The following COQ8A variants were observed in gnomAD, a reference collection of about 807,000 sequenced individuals.
The protein encoded by COQ8A is coenzyme Q8A.
Under a neutral mutation model 65.0 loss-of-function variants are expected in COQ8A, and 51 were observed. The observed-to-expected ratio is 0.78, with a 90% CI of 0.63 to 0.99. The LOEUF (loss-of-function observed/expected upper bound fraction) is 0.99. Among genes scored for constraint, COQ8A ranks in the 50% least tolerant of loss-of-function variants. The pLI is 0.00. For missense variants in COQ8A, 940 were observed against 875.0 expected (o/e 1.07, Z -0.94); for synonymous variants, 371 against 353.2 (o/e 1.05, Z -0.57).
intron 5 of COQ8A, among the ~76,000 whole-genome samples, chr1:226,978,547 C>G (rs1389637245): frequency 1.2e-5 from 1 of 84,416 alleles, no homozygotes; most frequent in African/African-American, 3.0e-5. Flanking sequence ...TCCTTACCCT[C>G]CACACACCCC....
At chr1:226,985,608 G>A (rs1407459167) in intron 14 of COQ8A, among the ~76,000 whole-genome samples, 4 of 152,192 alleles carry the variant, frequency 2.6e-5, no homozygotes. Flanking sequence ...TTGGGGTTGG[G>A]CCTCGATTGA....
Position 226,972,116 on chromosome 1 carries a change from C to T in COQ8A, c.656-5333C>T, listed in dbSNP as rs977361496. ...TACCTATACATTGAGAAATGGACAC[C>T]TACAGAAGTGAGACTTTAATGGATA... is the stretch of plus-strand genomic sequence containing the variant. On this transcript the variant is annotated intron_variant, in intron 4 of 14. Transcript: ENST00000366777. This position sits in a 1 kb window ranked among gnomAD's most constrained non-coding sequence, Gnocchi z 4.3. 1.3e-5 allele frequency among the ~76,000 whole-genome samples: 2 copies of T among 152,064 alleles called. No individual in the cohort carries two copies. The highest frequency in any genetic ancestry group is 4.8e-5 in the African/African-American group (2 of 41,402).
intron 4 of COQ8A, among the ~76,000 whole-genome samples, chr1:226,968,282 C>T (rs10916072): frequency 0.25 from 37,807 of 151,962 alleles, 4,774 homozygotes; most frequent in African/African-American, 0.31. Context: ...TTGCAGTGAG[C>T]TGAGATTGCG....
At chr1:226,950,623 C>G (rs952420758) in intron 1 of COQ8A, among the ~76,000 whole-genome samples, 1 of 152,228 alleles carries the variant, frequency 6.6e-6, no homozygotes, top group African/African-American at 2.4e-5. Context: ...AGCCCAGAGC[C>G]TGGCATATAC....
At position 226,977,747 on chromosome 1, in the gene COQ8A, T is replaced by C. The variant is rs541943529; in HGVS notation, c.730+224T>C. Among the ~76,000 whole-genome samples, 3 of 152,160 alleles carry C rather than the reference T, an allele frequency of 2.0e-5. No homozygotes were observed. The South Asian group carries it at 6.2e-4, about 32-fold the overall frequency. On this transcript the variant is annotated intron_variant, in intron 5 of 14. Coordinates refer to ENST00000366777, the MANE Select transcript of COQ8A (RefSeq NM_020247.5). Reference sequence around the variant, plus strand: ...GGCCCTTCCTCCTCCCAGCCCAAAGTGGCCACCCAGCCCCTTCTTTTTGGC... The same window carrying C: ...GGCCCTTCCTCCTCCCAGCCCAAAGCGGCCACCCAGCCCCTTCTTTTTGGC...
At chr1:226,941,644 G>A (rs947829483) in intron 1 of COQ8A, among the ~76,000 whole-genome samples, 3 of 151,998 alleles carry the variant, frequency 2.0e-5, no homozygotes, top group African/African-American at 7.2e-5. Context: ...ATGTGGTGGC[G>A]GGCGCCTATA....
intron 1 of COQ8A, among the ~76,000 whole-genome samples, chr1:226,953,975 T>A (rs1016451654): frequency 4.6e-5 from 7 of 152,132 alleles, no homozygotes; most frequent in African/African-American, 1.7e-4. Context: ...AAAGGAAAAA[T>A]TTCAAGGACG....
chr1:226,964,326 A>C (rs945065168), intron 2 of COQ8A, among the ~76,000 whole-genome samples: 3 of 152,050 alleles, frequency 2.0e-5, no homozygotes, highest in African/African-American at 7.3e-5. Flanking sequence ...TCAGGAGCTC[A>C]CTCAAGGTCA....
intron 2 of COQ8A, among the ~76,000 whole-genome samples, chr1:226,964,037 G>A (rs562868987): frequency 6.6e-6 from 1 of 152,302 alleles, no homozygotes; most frequent in South Asian, 2.1e-4. Context: ...TCAGTTTCCT[G>A]TTTTTGAAAT....
At chr1:226,942,125 C>T (rs941270752) in intron 1 of COQ8A, among the ~76,000 whole-genome samples, 7 of 151,996 alleles carry the variant, frequency 4.6e-5, no homozygotes, top group Admixed American at 3.3e-4. Flanking sequence ...GACATTGCCA[C>T]GTGTCCCCTG....
chr1:226,953,855 A>G (rs1394675722), intron 1 of COQ8A, among the ~76,000 whole-genome samples: 1 of 152,250 alleles, frequency 6.6e-6, no homozygotes, highest in African/African-American at 2.4e-5. Context: ...GGTTACATCT[A>G]AAGAGACTCA....
intron 4 of COQ8A, among the ~76,000 whole-genome samples, chr1:226,975,842 T>C (rs1352488672): frequency 6.6e-6 from 1 of 152,210 alleles, no homozygotes; most frequent in Non-Finnish European, 1.5e-5. Context: ...GCAAAAACAT[T>C]TTTTTAAAAA....
At chr1:226,983,729 C>T (rs1335906360) in intron 9 of COQ8A, 32 bp from the exon 10 acceptor site, 1 of 1,612,968 alleles carries the variant, frequency 6.2e-7, no homozygotes, top group Non-Finnish European at 8.5e-7. Flanking sequence ...GCAGAGCCCC[C>T]TTCCTCGCTG....
At chr1:226,967,035 C>T (rs923288789) in intron 4 of COQ8A, among the ~76,000 whole-genome samples, 14 of 152,324 alleles carry the variant, frequency 9.2e-5, no homozygotes, top group African/African-American at 3.4e-4. Context: ...GAAGTGTCAT[C>T]TATGTGACAG....
At position 226,972,023 on chromosome 1, in the gene COQ8A, A is replaced by G. The variant is rs907184172; in HGVS notation, c.656-5426A>G. ...CTGTGTCTCCTTTGCTCTTTTCTGT[A>G]TTTTCCATGCCTTTTTCCATTTATC... On this transcript the variant is annotated intron_variant, in intron 4 of 14. Coordinates refer to ENST00000366777, the MANE Select transcript of COQ8A (RefSeq NM_020247.5). This position sits in a 1 kb window ranked among gnomAD's most constrained non-coding sequence, Gnocchi z 4.3. Among the ~76,000 whole-genome samples the G allele has an allele frequency of 2.6e-5, 4 of 151,986 alleles. No individual in the cohort carries two copies. Among genetic ancestry groups the G allele is most frequent in the African/African-American group, 9.7e-5 (4 of 41,362 alleles).
At position 226,949,155 on chromosome 1, in the gene COQ8A, A is replaced by T. The variant is rs1356428462; in HGVS notation, c.-10+8756A>T. On this transcript the variant is annotated intron_variant, in intron 1 of 14. Coordinates refer to ENST00000366777, the MANE Select transcript of COQ8A (RefSeq NM_020247.5). The surrounding 1 kb of genome is among the most constrained non-coding windows in gnomAD (Gnocchi z 4.0). ...GAGCGGGCCTGCCTGAGAAAGTAGG[A>T]CCTGCAGAGTGGAGTGCGCTCACAT... is the stretch of plus-strand genomic sequence containing the variant. Among the ~76,000 whole-genome samples the T allele has an allele frequency of 2.0e-5, 3 of 151,722 alleles. No homozygotes were observed. Among genetic ancestry groups the T allele is most frequent in the Non-Finnish European group, 2.9e-5 (2 of 67,976 alleles).
chr1:226,953,281 G>A (rs1301864965), intron 1 of COQ8A, among the ~76,000 whole-genome samples: 1 of 152,178 alleles, frequency 6.6e-6, no homozygotes, highest in Non-Finnish European at 1.5e-5. Context: ...ACCAGCCTTG[G>A]CCTCCCAAGG....
rs759489004 is a variant in COQ8A, at chr1:226,977,534, C to T, written c.730+11C>T. 50 of 1,553,596 alleles carry T rather than the reference C, an allele frequency of 3.2e-5. No homozygotes were observed. The highest frequency in any genetic ancestry group is 3.7e-5 in the Non-Finnish European group (43 of 1,148,226). On this transcript the variant is annotated intron_variant, in intron 5 of 14. Coordinates refer to ENST00000366777, the MANE Select transcript of COQ8A (RefSeq NM_020247.5). ...CCGAGGACCCCTCAGGTGAGCCGGG[C>T]CCTTCAGTGGGAGGGGCAGGGTGGG... is the stretch of plus-strand genomic sequence containing the variant.
At chr1:226,962,639 G>A (rs1658321430) in intron 2 of COQ8A, among the ~76,000 whole-genome samples, 1 of 152,208 alleles carries the variant, frequency 6.6e-6, no homozygotes, top group Non-Finnish European at 1.5e-5. Context: ...CCTCCTGCAG[G>A]CTGTGAGGCC....
Sources: allele counts gnomAD v4.1 joint callset (sites outside exome capture counted in the v4.1 genomes callset), GRCh38; gene constraint gnomAD v4.1.1; non-coding constraint Gnocchi (gnomAD v3.1); transcripts MANE v1.5; gene names NCBI Gene and HGNC (gene_info 2026-07-23, HGNC 2026-07-21).